PEAK1: variants seen among roughly 807,000 people sequenced by gnomAD.
The protein encoded by PEAK1 is pseudopodium enriched atypical kinase 1.
Under a neutral mutation model 124.7 loss-of-function variants are expected in PEAK1, and 54 were observed. The ratio of observed to expected loss-of-function variants is 0.43; its 90% CI spans 0.35 to 0.54. PEAK1 has a LOEUF of 0.54. Ranked by LOEUF, PEAK1 falls within the 20% of genes least tolerant of loss-of-function variation. PEAK1 has a pLI of 0.01. For synonymous variants in PEAK1, 719 were observed against 760.0 expected (o/e 0.95, Z 0.89); for missense variants, 2,046 against 2,134.5 (o/e 0.96, Z 0.82).
chr15:77,138,766 G>A (rs1015132107), intron 8 of PEAK1, among the ~76,000 whole-genome samples: 1 of 151,568 alleles, frequency 6.6e-6, no homozygotes, highest in African/African-American at 2.4e-5. Flanking sequence ...GGAGGCTGAC[G>A]TAGGAGAATC....
chr15:77,245,141 C>T (rs2060522676), intron 6 of PEAK1, among the ~76,000 whole-genome samples: 1 of 152,008 alleles, frequency 6.6e-6, no homozygotes, highest in South Asian at 2.1e-4. Flanking sequence ...TTTCCAAGGC[C>T]TACGTCAAGG....
chr15:77,271,682 C>CA (rs1376018026), intron 5 of PEAK1, among the ~76,000 whole-genome samples: 1 of 152,034 alleles, frequency 6.6e-6, no homozygotes, highest in East Asian at 1.9e-4. Flanking sequence ...ATCACAAGGA[C>CA]AAAAAACCAA....
chr15:77,108,644 A>C lies in PEAK1; in HGVS notation c.*5512T>G, dbSNP rs759717476. 6.6e-6 allele frequency: 1 copy of C among 152,240 alleles called. No homozygotes were observed. Among genetic ancestry groups the C allele is most frequent in the Non-Finnish European group, 1.5e-5 (1 of 68,040 alleles). The allele number at this position is 152,240 out of a possible 1,614,324, so 9.4% of individuals were successfully genotyped here. A position where few individuals can be genotyped will look rare whatever the true frequency, so the allele number is the denominator to read the frequency against. On this transcript the variant is annotated 3_prime_UTR_variant, in exon 10 of 10. Coordinates refer to ENST00000682557, the MANE Select transcript of PEAK1 (RefSeq NM_001385026.1). ...CTGGTTCAACATTCAAGTTATCATGAGTGCGGACACACACATACTATCCAC... is the reference window on the plus strand; with the variant it reads ...CTGGTTCAACATTCAAGTTATCATGCGTGCGGACACACACATACTATCCAC...
intron 7 of PEAK1, among the ~76,000 whole-genome samples, chr15:77,177,171 GTCTCGAACTCCTGA>G (rs1464144885): frequency 6.6e-6 from 1 of 152,088 alleles, no homozygotes; most frequent in Non-Finnish European, 1.5e-5. Flanking sequence ...GGCAAGGCTG[GTCTCGAACTCCTGA>G]TCTCAGGTGA....
chr15:77,416,287 G>A (rs368894823), intron 1 of PEAK1, among the ~76,000 whole-genome samples: 9 of 152,232 alleles, frequency 5.9e-5, no homozygotes, highest in African/African-American at 1.9e-4. Flanking sequence ...TCTACTCAGC[G>A]GATCACAACA....
intron 1 of PEAK1, among the ~76,000 whole-genome samples, chr15:77,388,706 C>A (rs1027996862): frequency 4.6e-5 from 7 of 151,330 alleles, no homozygotes; most frequent in African/African-American, 1.7e-4. Context: ...CATAATGTTT[C>A]TATTTCTACA....
chr15:77,407,946 C>A (rs564790507), intron 1 of PEAK1, among the ~76,000 whole-genome samples: 2 of 81,018 alleles, frequency 2.5e-5, no homozygotes, highest in East Asian at 2.5e-4. Context: ...CATATATACA[C>A]ATATACACAC....
At chr15:77,277,963 G>A (rs2062426018) in intron 5 of PEAK1, among the ~76,000 whole-genome samples, 1 of 152,162 alleles carries the variant, frequency 6.6e-6, no homozygotes, top group Non-Finnish European at 1.5e-5. Flanking sequence ...CAAACCCATA[G>A]AATGTACAAC....
intron 5 of PEAK1, among the ~76,000 whole-genome samples, chr15:77,277,271 CA>C (rs2062381562): frequency 2.0e-5 from 3 of 151,950 alleles, no homozygotes; most frequent in Admixed American, 6.6e-5. Context: ...CTCAAAATGA[CA>C]AAATTATAGA....
At chr15:77,393,578 A>G (rs2070658607) in intron 1 of PEAK1, among the ~76,000 whole-genome samples, 1 of 152,212 alleles carries the variant, frequency 6.6e-6, no homozygotes, top group African/African-American at 2.4e-5. Flanking sequence ...GGCAGGATGC[A>G]TCATCTGCTG....
At chr15:77,276,863 T>C (rs1379689844) in intron 5 of PEAK1, among the ~76,000 whole-genome samples, 1 of 151,982 alleles carries the variant, frequency 6.6e-6, no homozygotes, top group Non-Finnish European at 1.5e-5. Flanking sequence ...TAGAAACATA[T>C]AAAAATGTTA....
chr15:77,172,741 G>A (rs899610766), intron 7 of PEAK1, among the ~76,000 whole-genome samples: 9 of 152,098 alleles, frequency 5.9e-5, no homozygotes, highest in African/African-American at 2.2e-4. Flanking sequence ...CCTGGGTTGA[G>A]ATTTAATTTA....
In PEAK1 at chr15:77,252,454, T is replaced by C. The variant is rs1305236982; in HGVS notation, c.-202A>G. 14 of 984,940 alleles carry C rather than the reference T, an allele frequency of 1.4e-5. No homozygotes were observed. The highest frequency in any genetic ancestry group is 1.7e-5 in the Non-Finnish European group (14 of 829,604). The allele number at this position is 984,940 out of a possible 1,614,324, so 61.0% of individuals were successfully genotyped here. A position where few individuals can be genotyped will look rare whatever the true frequency, so the allele number is the denominator to read the frequency against. On this transcript the variant is annotated 5_prime_UTR_variant, in exon 6 of 10. Coordinates refer to ENST00000682557, the MANE Select transcript of PEAK1 (RefSeq NM_001385026.1). ...CATTCCTTCCAAATTTCAAGGTGCTTTGGGTCTTTCCAAGATGAATGTCCT... is the reference window on the plus strand; with the variant it reads ...CATTCCTTCCAAATTTCAAGGTGCTCTGGGTCTTTCCAAGATGAATGTCCT...
rs529676104 is a variant in PEAK1, at chr15:77,303,317, T to C, written c.-602-16813A>G. Reference sequence around the variant, plus strand: ...TTTGCATGGTATGATCATGTTTAGTTTTATAAGAAACTGCCACCAAAGTGG... The same window carrying C: ...TTTGCATGGTATGATCATGTTTAGTCTTATAAGAAACTGCCACCAAAGTGG... On this transcript the variant is annotated intron_variant, in intron 2 of 9. Transcript: ENST00000682557. Among the ~76,000 whole-genome samples the C allele has an allele frequency of 7.2e-5, 11 of 152,306 alleles. No individual in the cohort carries two copies. The East Asian group carries it at 1.9e-3, about 27-fold the overall frequency.
Position 77,180,339 on chromosome 15 carries a change from G to A in PEAK1, c.1588C>T (p.Arg530Ter), listed in dbSNP as rs2057174645. The stretch of plus-strand genomic sequence containing the variant: ...CTAGAAGTCCATACTTCTTGGTATC[G>A]AATTGCACTGGATTTTTGGAAATGG... Reference protein sequence around the residue: ...SAHFQKSSAIRYQEVWTSSTS... With the variant: ...SAHFQKSSAI The change falls in exon 7 of 10, where the codon CGA becomes TGA. Residue 530 changes from arginine to a stop codon, truncating the protein, a stop_gained. Transcript: ENST00000682557. LOFTEE classifies it high-confidence loss of function. 3 of 1,613,930 alleles carry A rather than the reference G, an allele frequency of 1.9e-6. No individual in the cohort carries two copies. The highest frequency in any genetic ancestry group is 2.5e-6 in the Non-Finnish European group (3 of 1,179,964).
At chr15:77,359,862 T>C (rs923402757) in intron 2 of PEAK1, among the ~76,000 whole-genome samples, 1 of 152,340 alleles carries the variant, frequency 6.6e-6, no homozygotes, top group East Asian at 1.9e-4. Flanking sequence ...GATTTAAAGA[T>C]TCCTGCCTCA....
At chr15:77,333,718 C>T (rs952933842) in intron 2 of PEAK1, 1 of 968,202 alleles carries the variant, frequency 1.0e-6, no homozygotes, top group Admixed American at 6.2e-5. Flanking sequence ...ATTGAAATGG[C>T]TTCACTATCA....
chr15:77,187,445 A>C (rs1405292775), intron 6 of PEAK1, among the ~76,000 whole-genome samples: 1 of 152,242 alleles, frequency 6.6e-6, no homozygotes, highest in Non-Finnish European at 1.5e-5. Context: ...AAAATACAAA[A>C]AAACAACAAA....
At chr15:77,351,854 G>A (rs970688902) in intron 2 of PEAK1, 11 of 985,184 alleles carry the variant, frequency 1.1e-5, no homozygotes, top group Admixed American at 1.2e-4. Flanking sequence ...AATTATTTCC[G>A]GGCATACAAG....
Sources: gnomAD v4.1 joint callset for allele counts (sites outside exome capture counted in the v4.1 genomes callset) on GRCh38, gnomAD v4.1.1 for gene constraint, MANE v1.5 for transcripts, NCBI Gene and HGNC (gene_info 2026-07-23, HGNC 2026-07-21) for gene names.